Variants in LRP6 observed in about 807,000 individuals in gnomAD.
LRP6 encodes LDL receptor related protein 6.
LRP6 carries 43 observed loss-of-function variants against 184.1 expected under a neutral mutation model. The observed-to-expected ratio is 0.23, with a 90% confidence interval of 0.18 to 0.30. The LOEUF (loss-of-function observed/expected upper bound fraction) is 0.30. Ranked by LOEUF, LRP6 falls within the 10% of genes least tolerant of loss-of-function variation. LRP6 has a pLI of 1.00. For missense variants in LRP6, 1,571 were observed against 2,005.3 expected (o/e 0.78, Z 4.14); for synonymous variants, 719 against 684.9 (o/e 1.05, Z -0.78).
chr12:12,153,936 G>A (rs1950115717), intron 12 of LRP6, among the ~76,000 whole-genome samples: 1 of 152,210 alleles, frequency 6.6e-6, no homozygotes, highest in Non-Finnish European at 1.5e-5. Context: ...AGACCATCAT[G>A]TATGACTGTA....
intron 2 of LRP6, among the ~76,000 whole-genome samples, chr12:12,239,595 G>C (rs979202317): frequency 6.6e-6 from 1 of 151,666 alleles, no homozygotes; most frequent in Non-Finnish European, 1.5e-5. Context: ...CATCAACTCT[G>C]GAATACATCG....
chr12:12,233,724 GA>G lies in LRP6; in HGVS notation c.449+10537del, dbSNP rs1333655924. ...GAACAGACTAATTTATAACATTAAA[GA>G]ATTGTTCATCGCAAGTTGTGTGAAA... On this transcript the variant is annotated intron_variant, in intron 2 of 22. Transcript: ENST00000261349. Among the ~76,000 whole-genome samples the G allele has an allele frequency of 2.0e-5, 3 of 152,270 alleles. No individual in the cohort carries two copies. The East Asian group carries it at 5.8e-4, about 29-fold the overall frequency.
intron 1 of LRP6, among the ~76,000 whole-genome samples, chr12:12,262,956 A>T (rs912194538): frequency 6.6e-6 from 1 of 152,116 alleles, no homozygotes; most frequent in African/African-American, 2.4e-5. Flanking sequence ...TTCACTTTTA[A>T]GAATGTGTGA....
intron 2 of LRP6, chr12:12,210,803 G>A (rs1864188349): frequency 1.3e-5 from 2 of 152,284 alleles, no homozygotes; most frequent in South Asian, 4.1e-4. Flanking sequence ...TGATTTTAAT[G>A]TGAAAAAGAA....
chr12:12,121,992 T>C (rs1331262513), intron 22 of LRP6, among the ~76,000 whole-genome samples: 1 of 152,170 alleles, frequency 6.6e-6, no homozygotes, highest in Non-Finnish European at 1.5e-5. Context: ...CAAAGGGAAA[T>C]TGCTGTGATT....
chr12:12,210,923 A>C (rs1352259814), intron 2 of LRP6: 2 of 152,182 alleles, frequency 1.3e-5, no homozygotes, highest in African/African-American at 4.8e-5. Flanking sequence ...AGTGAAGAGG[A>C]GTTTGAAGAA....
At chr12:12,227,810 T>C (rs1864670406) in intron 2 of LRP6, among the ~76,000 whole-genome samples, 1 of 152,184 alleles carries the variant, frequency 6.6e-6, no homozygotes, top group Non-Finnish European at 1.5e-5. Context: ...AAATGAATGA[T>C]GGCAACAATA....
chr12:12,168,947 G>A (rs112020365), intron 7 of LRP6, among the ~76,000 whole-genome samples: 9,420 of 151,974 alleles, frequency 0.062, 904 homozygotes, highest in African/African-American at 0.21. Flanking sequence ...AATAAAACAC[G>A]GCCAGGCGCA....
chr12:12,180,008 AAAAATAGAT>A, intron 6 of LRP6, 27 bp from the exon 7 acceptor site: 1 of 1,572,994 alleles, frequency 6.4e-7, no homozygotes, highest in Non-Finnish European at 8.7e-7. Context: ...AAAATGAGCT[AAAAATAGAT>A]AATAAAATGT....
In LRP6 at chr12:12,207,242, G is replaced by A. The variant is rs554707417; in HGVS notation, c.450-3842C>T. 2.4e-4 allele frequency among the ~76,000 whole-genome samples: 37 copies of A among 152,268 alleles called. No individual in the cohort carries two copies. In the South Asian group the frequency reaches 3.5e-3, roughly 14 times the overall value. ...TGTTGTTAAAAACAAGAGTGGACTG[G>A]GCGCAGTGGCTCATGCCTGTAATCC... On this transcript the variant is annotated intron_variant, in intron 2 of 22. Coordinates refer to ENST00000261349, the MANE Select transcript of LRP6 (RefSeq NM_002336.3).
chr12:12,192,599 G>C (rs982731418), intron 3 of LRP6, among the ~76,000 whole-genome samples: 12 of 152,086 alleles, frequency 7.9e-5, no homozygotes, highest in African/African-American at 2.2e-4. Flanking sequence ...AAGAGAGCTG[G>C]AGCAGCTCTA....
chr12:12,141,830 C>T (rs963433317), intron 15 of LRP6, among the ~76,000 whole-genome samples: 3 of 152,102 alleles, frequency 2.0e-5, no homozygotes, highest in African/African-American at 7.2e-5. Flanking sequence ...ATGTTCATAG[C>T]CATAAATAAT....
intron 1 of LRP6, among the ~76,000 whole-genome samples, chr12:12,262,521 G>T (rs1865642528): frequency 6.7e-6 from 1 of 149,626 alleles, no homozygotes; most frequent in East Asian, 2.0e-4. Context: ...TCGCGGCACT[G>T]CACTTCAGCC....
chr12:12,266,171 A>C (rs1565741132), intron 1 of LRP6, among the ~76,000 whole-genome samples: 12 of 152,282 alleles, frequency 7.9e-5, no homozygotes, highest in African/African-American at 4.8e-5. Flanking sequence ...TCCCAAACGG[A>C]AGCCAATCAT....
intron 10 of LRP6, among the ~76,000 whole-genome samples, chr12:12,161,724 A>C (rs539445275): frequency 6.6e-6 from 1 of 152,330 alleles, no homozygotes; most frequent in African/African-American, 2.4e-5. Flanking sequence ...TAACAAAGCT[A>C]CTGCCAGTTT....
intron 19 of LRP6, 85 bp from the exon 20 acceptor site, chr12:12,127,006 G>C (rs781684730): frequency 2.2e-5 from 24 of 1,105,476 alleles, no homozygotes; most frequent in Non-Finnish European, 3.2e-5. Context: ...TTGCTAATAG[G>C]ATGTGAAGCT....
chr12:12,180,813 A>ATT (rs1863325999), intron 6 of LRP6, among the ~76,000 whole-genome samples: 1 of 152,224 alleles, frequency 6.6e-6, no homozygotes. Flanking sequence ...CAAAGTCAGC[A>ATT]AACATGGACT....
intron 7 of LRP6, among the ~76,000 whole-genome samples, chr12:12,168,865 T>C (rs1053398366): frequency 1.3e-5 from 2 of 152,066 alleles, no homozygotes; most frequent in Non-Finnish European, 1.5e-5. Context: ...GTTAACACAA[T>C]GCACATAGCA....
chr12:12,226,595 A>G (rs1028777256), intron 2 of LRP6: 1 of 152,200 alleles, frequency 6.6e-6, no homozygotes, highest in Non-Finnish European at 1.5e-5. Flanking sequence ...GCTTGGGAAT[A>G]TGTCAATAGA....
Sources: allele counts gnomAD v4.1 joint callset (sites outside exome capture counted in the v4.1 genomes callset), GRCh38; gene constraint gnomAD v4.1.1; transcripts MANE v1.5; gene names NCBI Gene and HGNC (gene_info 2026-07-23, HGNC 2026-07-21).